Variants in SWAP70 observed in about 807,000 individuals in gnomAD.
The protein encoded by SWAP70 is switching B cell complex subunit SWAP70, also known as switch-associated protein 70.
Under a neutral mutation model 80.2 loss-of-function variants are expected in SWAP70, and 34 were observed. The ratio of observed to expected loss-of-function variants is 0.42; its 90% confidence interval spans 0.32 to 0.56. SWAP70 has a LOEUF of 0.56. Ranked by LOEUF, SWAP70 falls within the 20% of genes least tolerant of loss-of-function variation. The probability of loss-of-function intolerance (pLI) is 0.09; values close to 1 mark genes in which losing one functional copy is unlikely to be tolerated. For synonymous variants in SWAP70, 239 were observed against 238.5 expected, an observed-to-expected ratio of 1.00 and a Z score of -0.02; for missense variants, 578 against 690.7, an observed-to-expected ratio of 0.84 and a Z score of 1.83.
chr11:9,729,169 G>C (rs1316522099), intron 5 of SWAP70, among the ~76,000 whole-genome samples, 174 bp from the exon 6 acceptor site: 1 of 151,984 alleles, frequency 6.6e-6, no homozygotes, highest in Non-Finnish European at 1.5e-5. Flanking sequence ...TACCAACTGG[G>C]GTCATTTTTA....
At chr11:9,703,516 C>T in intron 2 of SWAP70, 1 of 456,198 alleles carries the variant, frequency 2.2e-6, no homozygotes, top group Admixed American at 2.3e-5. Context: ...ACTTGATTGT[C>T]ACTTCCTCAG....
Position 9,751,547 on chromosome 11 carries a change from T to C in SWAP70, c.*1577T>C, listed in dbSNP as rs1851589928. The C allele has an allele frequency of 6.6e-6, 1 of 152,222 alleles. No individual in the cohort carries two copies. Among genetic ancestry groups the C allele is most frequent in the African/African-American group, 2.4e-5 (1 of 41,452 alleles). 9.4% of individuals were successfully genotyped at this position (152,222 alleles called of 1,614,324 possible). On this transcript the variant is annotated 3_prime_UTR_variant, in exon 12 of 12. Transcript: ENST00000318950. ...TCAGTAGAATAAAGTCCTTTTCTCT[T>C]ACAGGTATTAAATGAGGACAGAGAA...
intron 2 of SWAP70, among the ~76,000 whole-genome samples, chr11:9,709,416 A>G (rs1489288421): frequency 1.3e-5 from 2 of 152,194 alleles, no homozygotes. Flanking sequence ...GGCCTGAGCC[A>G]CCACACCTTG....
At chr11:9,709,689 A>G (rs749463808) in intron 2 of SWAP70, among the ~76,000 whole-genome samples, 10 of 152,120 alleles carry the variant, frequency 6.6e-5, no homozygotes, top group Non-Finnish European at 4.4e-5. Flanking sequence ...GGGTTTCACC[A>G]TGTTGCTCAG....
At position 9,728,726 on chromosome 11, in the gene SWAP70, C is replaced by T. The variant is rs548433895; in HGVS notation, c.789+527C>T. Among the ~76,000 whole-genome samples, 55 of 152,218 alleles carry T rather than the reference C, an allele frequency of 3.6e-4. 1 individual carries two copies. Among genetic ancestry groups the T allele is most frequent in the Middle Eastern group, 6.8e-3 (2 of 294 alleles). ...TTTTAATTTTTATATGAACTGTCCC[C>T]GTGTCTGTATGTGTTGAAGAACATT... is the stretch of plus-strand genomic sequence containing the variant. On this transcript the variant is annotated intron_variant, in intron 5 of 11. Coordinates refer to ENST00000318950, the MANE Select transcript of SWAP70 (RefSeq NM_015055.4).
At chr11:9,681,788 G>A (rs1850571219) in intron 1 of SWAP70, among the ~76,000 whole-genome samples, 1 of 152,204 alleles carries the variant, frequency 6.6e-6, no homozygotes, top group Admixed American at 6.5e-5. Context: ...TGAGGAGTTA[G>A]CTCAGAGAAT....
intron 1 of SWAP70, among the ~76,000 whole-genome samples, chr11:9,690,047 A>G (rs1242049714): frequency 6.6e-6 from 1 of 152,218 alleles, no homozygotes; most frequent in Admixed American, 6.5e-5. Context: ...CAGTTTTGCT[A>G]CACGTAAAAC....
chr11:9,730,143 A>C (rs899379227), intron 6 of SWAP70, among the ~76,000 whole-genome samples: 1 of 151,968 alleles, frequency 6.6e-6, no homozygotes, highest in African/African-American at 2.4e-5. Flanking sequence ...TCCAATGTCT[A>C]TTATTCCTTG....
intron 6 of SWAP70, among the ~76,000 whole-genome samples, chr11:9,730,722 C>G (rs954627782): frequency 3.9e-5 from 6 of 152,124 alleles, no homozygotes; most frequent in Admixed American, 1.3e-4. Context: ...CACAAGAAAT[C>G]ACTAGTTTTG....
chr11:9,700,299 C>T (rs760362305), intron 2 of SWAP70, among the ~76,000 whole-genome samples: 2 of 152,110 alleles, frequency 1.3e-5, no homozygotes, highest in Admixed American at 6.6e-5. Context: ...GCTTAGCCAC[C>T]TGGAGTGGAA....
intron 3 of SWAP70, among the ~76,000 whole-genome samples, chr11:9,722,248 T>A (rs1851148402): frequency 6.6e-6 from 1 of 152,228 alleles, no homozygotes; most frequent in Non-Finnish European, 1.5e-5. Flanking sequence ...CTTACTTAGT[T>A]AATTTCAGTT....
intron 2 of SWAP70, among the ~76,000 whole-genome samples, chr11:9,695,769 G>GA (rs201335510): frequency 4.0e-5 from 6 of 150,476 alleles, no homozygotes; most frequent in East Asian, 3.9e-4. Flanking sequence ...GTTTTTAGAA[G>GA]AAAAAAAAAT....
At chr11:9,697,511 G>T (rs1850774090) in intron 2 of SWAP70, among the ~76,000 whole-genome samples, 2 of 152,016 alleles carry the variant, frequency 1.3e-5, no homozygotes, top group East Asian at 3.9e-4. Context: ...TTGAACTCTT[G>T]ACCTCAGGTG....
intron 2 of SWAP70, among the ~76,000 whole-genome samples, chr11:9,699,129 C>G (rs926719401): frequency 2.0e-5 from 3 of 151,980 alleles, no homozygotes; most frequent in African/African-American, 4.8e-5. Flanking sequence ...AATAGAGATA[C>G]AAAGTAGATT....
intron 2 of SWAP70, among the ~76,000 whole-genome samples, chr11:9,707,562 T>C (rs912199249): frequency 8.7e-5 from 13 of 149,648 alleles, no homozygotes; most frequent in Middle Eastern, 3.4e-3. Flanking sequence ...CTTTTCTTTT[T>C]TTTTTTTTTT....
At chr11:9,693,502 A>G (rs986547624) in intron 1 of SWAP70, among the ~76,000 whole-genome samples, 8 of 152,174 alleles carry the variant, frequency 5.3e-5, no homozygotes, top group Non-Finnish European at 1.0e-4. Context: ...AATCTAATCC[A>G]GGCCCTTGAT....
intron 2 of SWAP70, among the ~76,000 whole-genome samples, chr11:9,696,317 A>T (rs1209629878): frequency 6.6e-6 from 1 of 152,208 alleles, no homozygotes; most frequent in African/African-American, 2.4e-5. Flanking sequence ...CATTTAAATA[A>T]TTTTTAAAAT....
chr11:9,726,860 C>T (rs1176438605), intron 4 of SWAP70: 1 of 456,108 alleles, frequency 2.2e-6, no homozygotes, highest in African/African-American at 2.0e-5. Flanking sequence ...TTAGAAGCCA[C>T]ATTTAGAAGC....
intron 6 of SWAP70, among the ~76,000 whole-genome samples, chr11:9,730,752 C>A (rs1482807795): frequency 6.6e-6 from 1 of 152,078 alleles, no homozygotes; most frequent in Non-Finnish European, 1.5e-5. Flanking sequence ...GGAACACAAA[C>A]TTTTGAATTA....
Sources: gnomAD v4.1 joint callset for allele counts (sites outside exome capture counted in the v4.1 genomes callset) on GRCh38, gnomAD v4.1.1 for gene constraint, MANE v1.5 for transcripts, NCBI Gene and HGNC (gene_info 2026-07-23, HGNC 2026-07-21) for gene names.